Variants in SRCIN1 observed in about 807,000 individuals in gnomAD.
SRCIN1 encodes SRC kinase signaling inhibitor 1.
Under a neutral mutation model 116.2 loss-of-function variants are expected in SRCIN1, and 50 were observed. The ratio of observed to expected loss-of-function variants is 0.43; its 90% CI spans 0.34 to 0.54. The LOEUF (loss-of-function observed/expected upper bound fraction) is 0.54. Among genes scored for constraint, SRCIN1 ranks in the 20% least tolerant of loss-of-function variants. The pLI, the probability that SRCIN1 is intolerant of heterozygous loss-of-function variation, is 0.02. For synonymous variants in SRCIN1, 736 were observed against 750.0 expected, an observed-to-expected ratio of 0.98 and a Z score of 0.30; for missense variants, 1,446 against 1,672.0, an observed-to-expected ratio of 0.86 and a Z score of 2.36.
intron 2 of SRCIN1, among the ~76,000 whole-genome samples, chr17:38,569,819 G>T (rs1906961712): frequency 6.6e-6 from 1 of 152,190 alleles, no homozygotes; most frequent in South Asian, 2.1e-4. Flanking sequence ...TGAGGGTAGG[G>T]GAGACCAGGG....
At chr17:38,540,882 C>T (rs988231199) in intron 18 of SRCIN1, among the ~76,000 whole-genome samples, 3 of 152,026 alleles carry the variant, frequency 2.0e-5, no homozygotes, top group East Asian at 1.9e-4. Flanking sequence ...CTTAGAAGAC[C>T]GTGCATGTTG....
chr17:38,551,445 G>A (rs1241918973), intron 14 of SRCIN1, 56 bp from the exon 15 acceptor site: 1 of 1,467,954 alleles, frequency 6.8e-7, no homozygotes, highest in Non-Finnish European at 9.3e-7. Flanking sequence ...CAGGACCTCT[G>A]GGGCCTCAGC....
chr17:38,581,976 T>C (rs1907850053), intron 1 of SRCIN1, among the ~76,000 whole-genome samples: 1 of 152,202 alleles, frequency 6.6e-6, no homozygotes, highest in Non-Finnish European at 1.5e-5. Context: ...GGGGACCCTC[T>C]GAGGCCAAGA....
rs374822347 is a variant in SRCIN1, at chr17:38,552,741, C to T, written c.2316G>A (p.Thr772=). 1.8e-4 allele frequency: 293 copies of T among 1,613,878 alleles called. 2 individuals are homozygous for T. The highest frequency in any genetic ancestry group is 9.9e-4 in the Middle Eastern group (6 of 6,062). The change falls in exon 12 of 19, where the codon ACG becomes ACA. Residue 772 remains threonine (T), a synonymous_variant. Transcript: ENST00000617146. The surrounding 1 kb of genome is among the most constrained non-coding windows in gnomAD (Gnocchi z 5.3). ...CAGACCCACCCTTGAGCTCTGTCAG[C>T]GTCTCCCCGAGCTGCTTCAGCACCA... ...KALVLKQLGE[T]LTELKAHFPG...
chr17:38,550,217 A>G (rs1485462988), intron 15 of SRCIN1, among the ~76,000 whole-genome samples: 1 of 152,326 alleles, frequency 6.6e-6, no homozygotes, highest in African/African-American at 2.4e-5. Context: ...GGATGAGGCC[A>G]GGCGTGGTGG....
chr17:38,551,413 G>A (rs1905400320), intron 14 of SRCIN1, 24 bp from the exon 15 acceptor site: 1 of 1,573,822 alleles, frequency 6.4e-7, no homozygotes, highest in Admixed American at 1.8e-5. Flanking sequence ...CAGGAGTCAG[G>A]ATTGAGGTAG....
At chr17:38,600,092 T>A (rs1293903278) in intron 1 of SRCIN1, among the ~76,000 whole-genome samples, 3 of 152,206 alleles carry the variant, frequency 2.0e-5, no homozygotes, top group African/African-American at 7.2e-5. Flanking sequence ...AACGAATCTG[T>A]CCCCTGGGAC....
chr17:38,558,205 T>C lies in SRCIN1; in HGVS notation c.2201+22A>G. Reference sequence around the variant, plus strand: ...CTCCAGCCGCACCCCCACCCCTCCCTCCGCCGCGGGCCCAGCCTCACTTGA... The same window carrying C: ...CTCCAGCCGCACCCCCACCCCTCCCCCCGCCGCGGGCCCAGCCTCACTTGA... On this transcript the variant is annotated intron_variant, in intron 11 of 18. Coordinates refer to ENST00000617146, the MANE Select transcript of SRCIN1 (RefSeq NM_025248.3). This position sits in a 1 kb window ranked among gnomAD's most constrained non-coding sequence, Gnocchi z 4.6. 1 of 1,601,788 alleles carries C rather than the reference T, an allele frequency of 6.2e-7. No individual in the cohort carries two copies. Among genetic ancestry groups the C allele is most frequent in the South Asian group, 1.1e-5 (1 of 90,666 alleles).
Position 38,560,038 on chromosome 17 carries a change from G to A in SRCIN1, c.1837+16C>T. 6.5e-7 allele frequency: 1 copy of A among 1,542,440 alleles called. No homozygotes were observed. The highest frequency in any genetic ancestry group is 8.8e-7 in the Non-Finnish European group (1 of 1,136,832). On this transcript the variant is annotated intron_variant, in intron 9 of 18. Transcript: ENST00000617146. ...CTCGGAGAGAACAAGGATGGGGGAGGGGGAGGTTCACTCACGTGCTGAGGG... is the reference window on the plus strand; with the variant it reads ...CTCGGAGAGAACAAGGATGGGGGAGAGGGAGGTTCACTCACGTGCTGAGGG...
At chr17:38,541,112 G>A (rs557441461) in intron 18 of SRCIN1, among the ~76,000 whole-genome samples, 175 of 151,972 alleles carry the variant, frequency 1.2e-3, no homozygotes, top group African/African-American at 3.3e-3. Flanking sequence ...GGTGGTGGGC[G>A]CCTGTAATCC....
At chr17:38,600,411 C>T (rs1229895300) in intron 1 of SRCIN1, among the ~76,000 whole-genome samples, 1 of 152,230 alleles carries the variant, frequency 6.6e-6, no homozygotes, top group Non-Finnish European at 1.5e-5. Flanking sequence ...TCCATGACCC[C>T]TGCAGGGGGC....
At chr17:38,606,521 C>T (rs1567891363), upstream of SRCIN1, among the ~76,000 whole-genome samples, 1 of 152,174 alleles carries the variant, frequency 6.6e-6, no homozygotes, top group South Asian at 2.1e-4. The surrounding 1 kb of genome is among the most constrained non-coding windows in gnomAD (Gnocchi z 5.2). Context: ...GCGCCCCCTG[C>T]TGGGCCGCCG....
chr17:38,579,447 T>A (rs1405338956), intron 1 of SRCIN1, among the ~76,000 whole-genome samples: 1 of 152,224 alleles, frequency 6.6e-6, no homozygotes, highest in East Asian at 1.9e-4. Flanking sequence ...CCTTTTCCCT[T>A]CCCTCCCCAG....
intron 1 of SRCIN1, among the ~76,000 whole-genome samples, chr17:38,588,808 CTCA>C (rs528401543): frequency 6.6e-6 from 1 of 152,320 alleles, no homozygotes; most frequent in South Asian, 2.1e-4. Flanking sequence ...ACACCAAGTA[CTCA>C]TCAACGGGCT....
Position 38,532,978 on chromosome 17 carries a change from GAGA to G in SRCIN1, c.*316_*318del, listed in dbSNP as rs996615487. 2.0e-5 allele frequency: 4 copies of G among 197,480 alleles called. No homozygotes were observed. Among genetic ancestry groups the G allele is most frequent in the Admixed American group, 6.1e-5 (1 of 16,510 alleles). 12.2% of individuals were successfully genotyped at this position (197,480 alleles called of 1,614,324 possible). A position where few individuals can be genotyped will look rare whatever the true frequency, so the allele number is the denominator to read the frequency against. On this transcript the variant is annotated 3_prime_UTR_variant, in exon 19 of 19. Coordinates refer to ENST00000617146, the MANE Select transcript of SRCIN1 (RefSeq NM_025248.3). The surrounding 1 kb of genome is among the most constrained non-coding windows in gnomAD (Gnocchi z 4.3). ...TGGACTGGGGGAAAGAGTGGTGAAA[GAGA>G]AGAAGGAGAGATGTGACAGGTGCGG...
chr17:38,562,839 G>T lies in SRCIN1; in HGVS notation c.822C>A (p.Asn274Lys). 6.2e-7 allele frequency: 1 copy of T among 1,613,720 alleles called. No individual in the cohort carries two copies. The highest frequency in any genetic ancestry group is 1.1e-5 in the South Asian group (1 of 91,038). The change falls in exon 6 of 19, where the codon AAC (asparagine) becomes AAA (lysine). Residue 274 changes from asparagine (N) to lysine (K), a missense_variant. This residue lies in a region of SRCIN1 where 239 missense variants were observed against 317.7 expected (regional missense o/e 0.75). Transcript: ENST00000617146. The surrounding 1 kb of genome is among the most constrained non-coding windows in gnomAD (Gnocchi z 4.2). ...TGCCCAGCCATACCCGGAGGTCCCCGTTGGTGAGATGTGAGCCAGGGAAGG... is the reference window on the plus strand; with the variant it reads ...TGCCCAGCCATACCCGGAGGTCCCCTTTGGTGAGATGTGAGCCAGGGAAGG... ...YAAFPGSHLT[N>K]GDLRREMVYA...
rs1336063998 is a variant in SRCIN1, at chr17:38,564,332, G to C, written c.346-19C>G. 3.3e-6 allele frequency: 5 copies of C among 1,524,982 alleles called. No individual in the cohort carries two copies. The highest frequency in any genetic ancestry group is 3.5e-6 in the Non-Finnish European group (4 of 1,139,948). The allele number at this position is 1,524,982 out of a possible 1,614,324, so 94.5% of individuals were successfully genotyped here. Reference sequence around the variant, plus strand: ...TGCGGGTCTGCAGGGGCCGGGCAGGGTGAGAGGAACCAAGGATGAGCACCC... The same window carrying C: ...TGCGGGTCTGCAGGGGCCGGGCAGGCTGAGAGGAACCAAGGATGAGCACCC... On this transcript the variant is annotated intron_variant, in intron 3 of 18. Transcript: ENST00000617146.
chr17:38,561,829 G>C lies in SRCIN1; in HGVS notation c.1334C>G (p.Ser445Cys), dbSNP rs1180874126. Residue 445 changes from serine (S) to cysteine (C), a missense_variant, in exon 7 of 19, where the codon TCC becomes TGC. By Grantham distance (112) the Ser-to-Cys change is moderately radical (BLOSUM62 -1). Coordinates refer to ENST00000617146, the MANE Select transcript of SRCIN1 (RefSeq NM_025248.3). ...CTTGTACAGGGAGTCCTCCAGATCGGACTGCAGCGCGGCGGCCGAGTAGGT... is the reference window on the plus strand; with the variant it reads ...CTTGTACAGGGAGTCCTCCAGATCGCACTGCAGCGCGGCGGCCGAGTAGGT... The part of the protein sequence containing the change: ...LSTYSAAALQ[S>C]DLEDSLYKAA... The C allele has an allele frequency of 1.4e-6, 2 of 1,478,704 alleles. No homozygotes were observed. Among genetic ancestry groups the C allele is most frequent in the East Asian group, 5.4e-5 (2 of 36,868 alleles). The allele number at this position is 1,478,704 out of a possible 1,614,324, so 91.6% of individuals were successfully genotyped here. A position where few individuals can be genotyped will look rare whatever the true frequency, so the allele number is the denominator to read the frequency against.
intron 1 of SRCIN1, 49 bp from the exon 2 acceptor site, chr17:38,578,840 G>A: frequency 6.9e-7 from 1 of 1,446,170 alleles, no homozygotes; most frequent in Non-Finnish European, 9.1e-7. Flanking sequence ...GCCCGGCCTG[G>A]GGCTGCCCAT....
Sources: gnomAD v4.1 joint callset for allele counts (sites outside exome capture counted in the v4.1 genomes callset) on GRCh38, gnomAD v4.1.1 for gene constraint, gnomAD v4.1.1 regional missense constraint, Gnocchi (gnomAD v3.1) non-coding constraint, MANE v1.5 for transcripts, NCBI Gene and HGNC (gene_info 2026-07-23, HGNC 2026-07-21) for gene names.